Variants in AMELY observed in about 807,000 individuals in gnomAD.
The protein encoded by AMELY is amelogenin Y-linked, also known as amelogenin, Y isoform.
AMELY carries 4 observed loss-of-function variants against 4.2 expected under a neutral mutation model. That is an observed-to-expected ratio of 0.96 (90% CI 0.47 to 2.19). The LOEUF (loss-of-function observed/expected upper bound fraction) is 2.19. AMELY is among the 30% of genes most tolerant of loss of function. The probability of loss-of-function intolerance (pLI) is 0.02; values close to 1 mark genes in which losing one functional copy is unlikely to be tolerated. For missense variants in AMELY, 32 were observed against 41.5 expected, an observed-to-expected ratio of 0.77 and a Z score of 0.63; for synonymous variants, 11 against 14.7, an observed-to-expected ratio of 0.75 and a Z score of 0.57.
Position 6,871,990 on chromosome Y carries a change from C to A in AMELY, c.54+565G>T, listed in dbSNP as rs1603021573. ...ACAACAACAACAACAACAACAACAACAACAAAAAAACCTACAAAAACCAAA... is the reference window on the plus strand; with the variant it reads ...ACAACAACAACAACAACAACAACAAAAACAAAAAAACCTACAAAAACCAAA... On this transcript the variant is annotated intron_variant, in intron 3 of 6. Transcript: ENST00000651267. Among the ~76,000 whole-genome samples, 11 of 30,209 alleles carry A rather than the reference C, an allele frequency of 3.6e-4. No homozygotes were observed. The South Asian group carries it at 5.6e-3, about 15-fold the overall frequency. 81.0% of individuals were successfully genotyped at this position (30,209 alleles called of 37,273 possible).
intron 1 of AMELY, among the ~76,000 whole-genome samples, chrY:6,885,406 C>T (rs2054079328): frequency 2.9e-5 from 1 of 34,159 alleles, no homozygotes; most frequent in Admixed American, 2.6e-4. Flanking sequence ...GCCCAGGAGG[C>T]AGAGCTTGCA....
At chrY:6,907,138 C>T in intron 1 of AMELY, among the ~76,000 whole-genome samples, 1 of 32,750 alleles carries the variant, frequency 3.1e-5, no homozygotes, top group African/African-American at 1.2e-4. Flanking sequence ...CTGAGGTGGG[C>T]GGATCAGTTA....
At chrY:6,867,256 T>C (rs2054062635) in intron 6 of AMELY, among the ~76,000 whole-genome samples, 1 of 33,469 alleles carries the variant, frequency 3.0e-5, no homozygotes, top group Non-Finnish European at 7.4e-5. Flanking sequence ...TGCTTCTCAG[T>C]AGTATATCAT....
chrY:6,877,612 C>T, intron 1 of AMELY, among the ~76,000 whole-genome samples: 1 of 32,738 alleles, frequency 3.1e-5, no homozygotes. Context: ...ACCAGCTGGA[C>T]GGGGACCTGA....
intron 1 of AMELY, among the ~76,000 whole-genome samples, chrY:6,879,878 A>C: frequency 3.0e-5 from 1 of 33,111 alleles, no homozygotes; most frequent in Non-Finnish European, 7.4e-5. Flanking sequence ...GTTCTGTTCC[A>C]TTGGTCTATG....
At chrY:6,878,378 G>A (rs2054072943) in intron 1 of AMELY, among the ~76,000 whole-genome samples, 1 of 33,018 alleles carries the variant, frequency 3.0e-5, no homozygotes, top group Non-Finnish European at 7.4e-5. Context: ...GGCACCTAGA[G>A]TTAGAATCAA....
chrY:6,866,707 G>A (rs2054062316), intron 6 of AMELY, among the ~76,000 whole-genome samples: 1 of 23,731 alleles, frequency 4.2e-5, no homozygotes, highest in African/African-American at 1.7e-4. Context: ...TCAATGGCAC[G>A]ATCTTGGCTC....
chrY:6,874,695 T>C, intron 1 of AMELY, among the ~76,000 whole-genome samples: 1 of 33,913 alleles, frequency 2.9e-5, no homozygotes, highest in Non-Finnish European at 7.4e-5. Context: ...CGTGTACTTC[T>C]AGCCCATTTC....
intron 1 of AMELY, among the ~76,000 whole-genome samples, chrY:6,884,294 T>TG (rs1386762936): frequency 1.3e-4 from 1 of 7,416 alleles, no homozygotes; most frequent in African/African-American, 5.8e-4. Context: ...GCTGGGGGGC[T>TG]GGGGGGGGAT....
At chrY:6,897,131 A>G in intron 1 of AMELY, among the ~76,000 whole-genome samples, 1 of 33,667 alleles carries the variant, frequency 3.0e-5, no homozygotes, top group Admixed American at 2.7e-4. Context: ...GATCTGGGCC[A>G]GATAATCACT....
intron 1 of AMELY, among the ~76,000 whole-genome samples, chrY:6,895,503 C>T (rs775163961): frequency 6.0e-5 from 2 of 33,547 alleles, no homozygotes; most frequent in South Asian, 6.8e-4. Context: ...GGAATTCACT[C>T]GAGAGATAGC....
chrY:6,891,151 G>A, intron 1 of AMELY, among the ~76,000 whole-genome samples: 1 of 33,326 alleles, frequency 3.0e-5, no homozygotes, highest in Non-Finnish European at 7.4e-5. Context: ...ACTAGCACCT[G>A]TTTTAAGAAA....
intron 1 of AMELY, among the ~76,000 whole-genome samples, chrY:6,884,764 C>T: frequency 3.0e-5 from 1 of 33,223 alleles, no homozygotes; most frequent in East Asian, 8.0e-4. Context: ...GGGTTAAATT[C>T]AACAACAAGA....
At chrY:6,907,525 TTTTG>T (rs2011667987) in intron 1 of AMELY, among the ~76,000 whole-genome samples, 1 of 32,167 alleles carries the variant, frequency 3.1e-5, no homozygotes, top group Non-Finnish European at 7.5e-5. Context: ...ATGTCTAGAG[TTTTG>T]TTTTTTGTTT....
In AMELY at chrY:6,873,681, C is replaced by T; in HGVS notation, c.-13+291G>A. ...AAGTGTTAAAAGTAATAAAGATAGC[C>T]TTAAAGTATTATTTCAATTTAGTTT... On this transcript the variant is annotated intron_variant, in intron 2 of 6. Transcript: ENST00000651267. 1.5e-4 allele frequency among the ~76,000 whole-genome samples: 5 copies of T among 32,512 alleles called. No homozygotes were observed. In the East Asian group the frequency reaches 3.9e-3, roughly 25 times the overall value. 87.2% of individuals were successfully genotyped at this position (32,512 alleles called of 37,273 possible).
chrY:6,878,488 A>T (rs2054073002), intron 1 of AMELY, among the ~76,000 whole-genome samples: 2 of 33,009 alleles, frequency 6.1e-5, no homozygotes, highest in African/African-American at 1.2e-4. Flanking sequence ...CTTGTCCGGG[A>T]TCCTATCTGG....
intron 1 of AMELY, among the ~76,000 whole-genome samples, chrY:6,877,739 T>C: frequency 3.0e-5 from 1 of 33,017 alleles, no homozygotes; most frequent in Non-Finnish European, 7.4e-5. Flanking sequence ...TTAAGCTGCA[T>C]TGATGGCTAT....
At position 6,911,436 on chromosome Y, in the gene AMELY, G is replaced by C. The variant is rs2011692283; in HGVS notation, c.-113+237C>G. On this transcript the variant is annotated intron_variant, in intron 1 of 6. Coordinates refer to ENST00000651267, the MANE Select transcript of AMELY (RefSeq NM_001143.2). The stretch of plus-strand genomic sequence containing the variant: ...CCTTTCATCCACGGGACTCGGGCCG[G>C]CCTGCCCCGACCTGGGTGGAAGCGC... Among the ~76,000 whole-genome samples the C allele has an allele frequency of 1.4e-4, 5 of 34,585 alleles. No individual in the cohort carries two copies. In the East Asian group the frequency reaches 4.0e-3, roughly 28 times the overall value. 92.8% of individuals were successfully genotyped at this position (34,585 alleles called of 37,273 possible).
At chrY:6,879,088 C>T in intron 1 of AMELY, among the ~76,000 whole-genome samples, 1 of 32,697 alleles carries the variant, frequency 3.1e-5, no homozygotes, top group Non-Finnish European at 7.5e-5. Flanking sequence ...GTTCTAGATC[C>T]CTGAGGAATC....
Sources: gnomAD v4.1 joint callset for allele counts (sites outside exome capture counted in the v4.1 genomes callset) on GRCh38, gnomAD v4.1.1 for gene constraint, MANE v1.5 for transcripts, NCBI Gene and HGNC (gene_info 2026-07-23, HGNC 2026-07-21) for gene names.